FLRT2: variants seen among roughly 807,000 people sequenced by gnomAD.
FLRT2 encodes leucine-rich repeat transmembrane protein FLRT2.
FLRT2 carries 15 observed loss-of-function variants against 40.0 expected under a neutral mutation model. That is an observed-to-expected ratio of 0.38 (90% CI 0.25 to 0.58). The LOEUF (loss-of-function observed/expected upper bound fraction) is 0.58. Among genes scored for constraint, FLRT2 ranks in the 20% least tolerant of loss-of-function variants. The probability of loss-of-function intolerance (pLI) is 0.71; values close to 1 mark genes in which losing one functional copy is unlikely to be tolerated. For missense variants in FLRT2, 726 were observed against 840.0 expected, an observed-to-expected ratio of 0.86 and a Z score of 1.68; for synonymous variants, 380 against 336.8, an observed-to-expected ratio of 1.13 and a Z score of -1.41.
rs551148625 is a variant in FLRT2, at chr14:85,648,732, C to T, written c.*25235C>T. On this transcript the variant is annotated 3_prime_UTR_variant, in exon 2 of 2. Transcript: ENST00000330753. The stretch of plus-strand genomic sequence containing the variant: ...CACAGATGAGATGTACTGTCTGCCA[C>T]CCTAACTGCCCATAGGACTCCACCA... 6.6e-6 allele frequency: 1 copy of T among 152,200 alleles called. No individual in the cohort carries two copies. Among genetic ancestry groups the T allele is most frequent in the Non-Finnish European group, 1.5e-5 (1 of 68,032 alleles). 9.4% of individuals were successfully genotyped at this position (152,200 alleles called of 1,614,324 possible).
chr14:85,532,684 C>A (rs1022190841), intron 1 of FLRT2, among the ~76,000 whole-genome samples: 1 of 152,098 alleles, frequency 6.6e-6, no homozygotes, highest in Non-Finnish European at 1.5e-5. Flanking sequence ...TTGGATTACT[C>A]CCCCAGTTAA....
chr14:85,629,204 C>A lies in FLRT2; in HGVS notation c.*5707C>A, dbSNP rs922848542. On this transcript the variant is annotated 3_prime_UTR_variant, in exon 2 of 2. Transcript: ENST00000330753. ...CTACTTCATTAAATTGACAGGACAT[C>A]TAAGGTGACAAAAGAGATGTTTCTA... 7.2e-5 allele frequency: 11 copies of A among 152,108 alleles called. No individual in the cohort carries two copies. The highest frequency in any genetic ancestry group is 2.7e-4 in the African/African-American group (11 of 41,438). 9.4% of individuals were successfully genotyped at this position (152,108 alleles called of 1,614,324 possible). A position where few individuals can be genotyped will look rare whatever the true frequency, so the allele number is the denominator to read the frequency against.
Position 85,642,672 on chromosome 14 carries a change from A to G in FLRT2, c.*19175A>G, listed in dbSNP as rs1461880796. The G allele has an allele frequency of 6.6e-6, 1 of 151,732 alleles. No individual in the cohort carries two copies. The highest frequency in any genetic ancestry group is 6.6e-5 in the Admixed American group (1 of 15,248). 9.4% of individuals were successfully genotyped at this position (151,732 alleles called of 1,614,324 possible). A position where few individuals can be genotyped will look rare whatever the true frequency, so the allele number is the denominator to read the frequency against. On this transcript the variant is annotated 3_prime_UTR_variant, in exon 2 of 2. Coordinates refer to ENST00000330753, the MANE Select transcript of FLRT2 (RefSeq NM_013231.6). ...GGAAAAATCATAACCAGATTGGGCC[A>G]TATTAGCCAATATGGGTACATATAC...
rs1163979425 is a variant in FLRT2, at chr14:85,647,277, A to G, written c.*23780A>G. ...TTTACCTTTGCTTAATATGCCTTAT[A>G]GTTTACTAACTTACTTAACAGAGGA... On this transcript the variant is annotated 3_prime_UTR_variant, in exon 2 of 2. Transcript: ENST00000330753. 1 of 152,168 alleles carries G rather than the reference A, an allele frequency of 6.6e-6. No homozygotes were observed. The highest frequency in any genetic ancestry group is 2.1e-4 in the South Asian group (1 of 4,830). The allele number at this position is 152,168 out of a possible 1,614,324, so 9.4% of individuals were successfully genotyped here. A position where few individuals can be genotyped will look rare whatever the true frequency, so the allele number is the denominator to read the frequency against.
At chr14:85,540,354 C>A (rs111394717) in intron 1 of FLRT2, among the ~76,000 whole-genome samples, 1 of 152,086 alleles carries the variant, frequency 6.6e-6, no homozygotes, top group Non-Finnish European at 1.5e-5. Context: ...TCATTAAACC[C>A]TGTGGAACAG....
intron 1 of FLRT2, among the ~76,000 whole-genome samples, chr14:85,555,651 G>C (rs565675435): frequency 1.3e-5 from 2 of 149,228 alleles, no homozygotes; most frequent in Admixed American, 6.7e-5. Flanking sequence ...CAGCCTAACC[G>C]TATCAAGCAG....
At position 85,643,081 on chromosome 14, in the gene FLRT2, G is replaced by A. The variant is rs910881773; in HGVS notation, c.*19584G>A. 1 of 152,052 alleles carries A rather than the reference G, an allele frequency of 6.6e-6. No individual in the cohort carries two copies. Among genetic ancestry groups the A allele is most frequent in the Non-Finnish European group, 1.5e-5 (1 of 68,032 alleles). 9.4% of individuals were successfully genotyped at this position (152,052 alleles called of 1,614,324 possible). A position where few individuals can be genotyped will look rare whatever the true frequency, so the allele number is the denominator to read the frequency against. On this transcript the variant is annotated 3_prime_UTR_variant, in exon 2 of 2. Coordinates refer to ENST00000330753, the MANE Select transcript of FLRT2 (RefSeq NM_013231.6). ...TTTATTAGGTCATTATTCTCAACAT[G>A]AGGGCTCCACCCTTATGGATTAATT...
intron 1 of FLRT2, among the ~76,000 whole-genome samples, chr14:85,594,262 A>T (rs1158656934): frequency 6.6e-6 from 1 of 152,162 alleles, no homozygotes; most frequent in East Asian, 1.9e-4. Context: ...AATATTAAAC[A>T]CTCTCAGTTA....
intron 1 of FLRT2, among the ~76,000 whole-genome samples, chr14:85,602,113 T>C (rs1448518230): frequency 1.3e-5 from 2 of 152,244 alleles, no homozygotes; most frequent in African/African-American, 4.8e-5. Context: ...TCTGCTTAGA[T>C]ATATAGTGAC....
intron 1 of FLRT2, among the ~76,000 whole-genome samples, chr14:85,598,916 G>GTT (rs11449675): frequency 0.19 from 22,415 of 120,208 alleles, 2,959 homozygotes; most frequent in East Asian, 0.53. Flanking sequence ...AAATGGGATG[G>GTT]TTTTTTTTTT....
chr14:85,647,822 C>G lies in FLRT2; in HGVS notation c.*24325C>G, dbSNP rs1006836592. On this transcript the variant is annotated 3_prime_UTR_variant, in exon 2 of 2. Coordinates refer to ENST00000330753, the MANE Select transcript of FLRT2 (RefSeq NM_013231.6). ...CCTCAGGAATTAGGATTCGGGTCAC[C>G]CTGCTTGGCAGAGCCCTAATTAGTC... 6.6e-6 allele frequency: 1 copy of G among 152,078 alleles called. No homozygotes were observed. Among genetic ancestry groups the G allele is most frequent in the Non-Finnish European group, 1.5e-5 (1 of 68,026 alleles). The allele number at this position is 152,078 out of a possible 1,614,324, so 9.4% of individuals were successfully genotyped here. A position where few individuals can be genotyped will look rare whatever the true frequency, so the allele number is the denominator to read the frequency against.
At chr14:85,613,744 C>T (rs1389921103) in intron 1 of FLRT2, among the ~76,000 whole-genome samples, 3 of 152,142 alleles carry the variant, frequency 2.0e-5, no homozygotes, top group Non-Finnish European at 4.4e-5. Flanking sequence ...CTAGAGCTTA[C>T]AGAGAAGCAG....
rs1893973275 is a variant in FLRT2 at position 85,635,228 on chromosome 14, T to A, written c.*11731T>A. The A allele has an allele frequency of 6.6e-6, 1 of 152,182 alleles. No homozygotes were observed. The highest frequency in any genetic ancestry group is 2.1e-4 in the South Asian group (1 of 4,834). The allele number at this position is 152,182 out of a possible 1,614,324, so 9.4% of individuals were successfully genotyped here. On this transcript the variant is annotated 3_prime_UTR_variant, in exon 2 of 2. Coordinates refer to ENST00000330753, the MANE Select transcript of FLRT2 (RefSeq NM_013231.6). ...TATTTAATGTCCCTAAGCCTCAGTTTCCTCATATATGAAATGAGGTACTAA... is the reference window on the plus strand; with the variant it reads ...TATTTAATGTCCCTAAGCCTCAGTTACCTCATATATGAAATGAGGTACTAA...
rs1012885820 is a variant in FLRT2 at position 85,644,316 on chromosome 14, C to A, written c.*20819C>A. ...CAACTGTCAATTTAGAAATTTCTTT[C>A]TTTTTATCTCAATAGGCAAAGAACA... On this transcript the variant is annotated 3_prime_UTR_variant, in exon 2 of 2. Transcript: ENST00000330753. 1 of 152,116 alleles carries A rather than the reference C, an allele frequency of 6.6e-6. No individual in the cohort carries two copies. The highest frequency in any genetic ancestry group is 2.4e-5 in the African/African-American group (1 of 41,432). The allele number at this position is 152,116 out of a possible 1,614,324, so 9.4% of individuals were successfully genotyped here.
chr14:85,571,332 T>G (rs1890884379), intron 1 of FLRT2, among the ~76,000 whole-genome samples: 1 of 152,140 alleles, frequency 6.6e-6, no homozygotes, highest in Admixed American at 6.5e-5. Context: ...AAAAAAAAGT[T>G]GTGGGGTGGG....
chr14:85,643,333 T>TCC lies in FLRT2; in HGVS notation c.*19836_*19837insCC, dbSNP rs1242252320. ...TTTCTTTCTTTCTTTCTTTCTTTCT[T>TCC]TCTTTCTTTCTTTCTTTCTTTCTTC... On this transcript the variant is annotated 3_prime_UTR_variant, in exon 2 of 2. Transcript: ENST00000330753. 16 of 117,706 alleles carry TCC rather than the reference T, an allele frequency of 1.4e-4. 1 individual carries two copies. The highest frequency in any genetic ancestry group is 5.4e-4 in the East Asian group (2 of 3,714). 7.3% of individuals were successfully genotyped at this position (117,706 alleles called of 1,614,324 possible). A position where few individuals can be genotyped will look rare whatever the true frequency, so the allele number is the denominator to read the frequency against.
chr14:85,547,932 A>G (rs534607010), intron 1 of FLRT2, among the ~76,000 whole-genome samples: 1 of 152,332 alleles, frequency 6.6e-6, no homozygotes, highest in Admixed American at 6.5e-5. Flanking sequence ...AAATAGTTGC[A>G]TTCTTTTGAG....
intron 1 of FLRT2, among the ~76,000 whole-genome samples, chr14:85,559,842 G>A (rs1368195034): frequency 2.0e-5 from 3 of 152,026 alleles, no homozygotes; most frequent in Non-Finnish European, 4.4e-5. Flanking sequence ...TCTGATATCC[G>A]GATCTCCTGA....
At chr14:85,559,374 A>G (rs1256755347) in intron 1 of FLRT2, 1 of 152,220 alleles carries the variant, frequency 6.6e-6, no homozygotes, top group African/African-American at 2.4e-5. Flanking sequence ...GTGAAAGAAC[A>G]TGGATTAGCT....
Sources: allele counts gnomAD v4.1 joint callset (sites outside exome capture counted in the v4.1 genomes callset), GRCh38; gene constraint gnomAD v4.1.1; transcripts MANE v1.5; gene names NCBI Gene and HGNC (gene_info 2026-07-23, HGNC 2026-07-21).